ADARB2: variants seen among roughly 807,000 people sequenced by gnomAD.
The protein encoded by ADARB2 is adenosine deaminase RNA specific B2 (inactive).
ADARB2 carries 25 observed loss-of-function variants against 62.2 expected under a neutral mutation model. The observed-to-expected ratio is 0.40, with a 90% CI of 0.29 to 0.56. ADARB2 has a LOEUF of 0.56. Among genes scored for constraint, ADARB2 ranks in the 20% least tolerant of loss-of-function variants. The pLI, the probability that ADARB2 is intolerant of heterozygous loss-of-function variation, is 0.43. For missense variants in ADARB2, 1,071 were observed against 1,077.4 expected (o/e 0.99, Z 0.08); for synonymous variants, 572 against 500.8 (o/e 1.14, Z -1.90).
chr10:1,602,898 CAT>C (rs1833438154), intron 1 of ADARB2, among the ~76,000 whole-genome samples: 1 of 151,964 alleles, frequency 6.6e-6, no homozygotes, highest in Non-Finnish European at 1.5e-5. Context: ...TGTACATACA[CAT>C]ATGAACACAC....
chr10:1,374,466 A>G (rs1476879514), intron 2 of ADARB2, among the ~76,000 whole-genome samples: 1 of 152,218 alleles, frequency 6.6e-6, no homozygotes, highest in Non-Finnish European at 1.5e-5. Context: ...GAGAAAGGCC[A>G]ACGCTTTATA....
intron 4 of ADARB2, among the ~76,000 whole-genome samples, chr10:1,253,566 A>G (rs889274506): frequency 5.9e-5 from 9 of 152,218 alleles, no homozygotes; most frequent in African/African-American, 2.2e-4. Flanking sequence ...ACCTTATTCA[A>G]GGGAAAGAGG....
intron 4 of ADARB2, among the ~76,000 whole-genome samples, chr10:1,263,893 C>G (rs1487138555): frequency 6.6e-6 from 1 of 152,156 alleles, no homozygotes; most frequent in Non-Finnish European, 1.5e-5. Flanking sequence ...TTTTCTTTTC[C>G]TCTCCATTTT....
chr10:1,510,106 TTCTC>T (rs879666484), intron 1 of ADARB2, among the ~76,000 whole-genome samples: 52 of 125,728 alleles, frequency 4.1e-4, no homozygotes, highest in African/African-American at 1.5e-3. Context: ...TTTTCTTTCT[TTCTC>T]TCTTTCTTTC....
rs72762979 is a variant in ADARB2 at position 1,426,698 on chromosome 10, C to T, written c.101-47538G>A. ...GGAGACCAGTGAACCTGCTTGCCAC[C>T]CTGGGCAAGAGAGCCCAGGGGCTGG... On this transcript the variant is annotated intron_variant, in intron 1 of 9. Coordinates refer to ENST00000381312, the MANE Select transcript of ADARB2 (RefSeq NM_018702.4). The surrounding 1 kb of genome is among the most constrained non-coding windows in gnomAD (Gnocchi z 4.1). 1.3e-5 allele frequency among the ~76,000 whole-genome samples: 2 copies of T among 152,120 alleles called. No homozygotes were observed.
At chr10:1,450,478 G>A (rs1182311213) in intron 1 of ADARB2, among the ~76,000 whole-genome samples, 1 of 152,212 alleles carries the variant, frequency 6.6e-6, no homozygotes, top group Non-Finnish European at 1.5e-5. Flanking sequence ...CGGATGCCCG[G>A]ATGGTGCCTC....
intron 3 of ADARB2, among the ~76,000 whole-genome samples, chr10:1,271,526 C>G (rs922386824): frequency 1.3e-5 from 2 of 152,228 alleles, no homozygotes; most frequent in Non-Finnish European, 2.9e-5. Context: ...GTGGCTCTCT[C>G]CACAACTTCT....
At chr10:1,503,449 T>C (rs965627097) in intron 1 of ADARB2, among the ~76,000 whole-genome samples, 1 of 151,994 alleles carries the variant, frequency 6.6e-6, no homozygotes, top group African/African-American at 2.4e-5. Flanking sequence ...CCAAAGACCT[T>C]GATAAGTCAC....
intron 2 of ADARB2, among the ~76,000 whole-genome samples, chr10:1,374,091 G>A (rs1243922555): frequency 6.6e-6 from 1 of 152,180 alleles, no homozygotes; most frequent in Non-Finnish European, 1.5e-5. Context: ...CCCCAGCCAA[G>A]CACCTCATTC....
At chr10:1,731,264 C>G (rs1010252786) in intron 1 of ADARB2, among the ~76,000 whole-genome samples, 2 of 152,188 alleles carry the variant, frequency 1.3e-5, no homozygotes, top group African/African-American at 4.8e-5. Flanking sequence ...GTTGCTTAAA[C>G]AATGTCAGGC....
intron 1 of ADARB2, among the ~76,000 whole-genome samples, chr10:1,573,945 T>G (rs1832974137): frequency 6.6e-6 from 1 of 152,244 alleles, no homozygotes. Context: ...CCATCTGTCA[T>G]GAACTACATC....
intron 1 of ADARB2, among the ~76,000 whole-genome samples, chr10:1,724,247 A>G (rs953289035): frequency 6.6e-6 from 1 of 152,176 alleles, no homozygotes. Context: ...CTGGCTTTTC[A>G]GCTGCACCCA....
At chr10:1,305,567 T>C (rs1199181562) in intron 3 of ADARB2, among the ~76,000 whole-genome samples, 4 of 152,250 alleles carry the variant, frequency 2.6e-5, no homozygotes, top group East Asian at 1.9e-4. Context: ...CCAGCATCAT[T>C]CTGATACCAA....
intron 1 of ADARB2, among the ~76,000 whole-genome samples, chr10:1,473,173 C>A (rs902759403): frequency 6.6e-6 from 1 of 152,034 alleles, no homozygotes; most frequent in African/African-American, 2.4e-5. Flanking sequence ...TCCAAATATA[C>A]TTTCCTTCCC....
At chr10:1,588,891 G>A (rs886108179) in intron 1 of ADARB2, among the ~76,000 whole-genome samples, 7 of 152,204 alleles carry the variant, frequency 4.6e-5, no homozygotes, top group Admixed American at 2.6e-4. Context: ...GCTTGGAGGA[G>A]TCGGCTTGAG....
chr10:1,553,977 G>T (rs1218973263), intron 1 of ADARB2, among the ~76,000 whole-genome samples: 1 of 152,216 alleles, frequency 6.6e-6, no homozygotes, highest in Non-Finnish European at 1.5e-5. Context: ...CAGAAAGTCG[G>T]CTGGTGGAGG....
chr10:1,438,437 G>A (rs1830859504), intron 1 of ADARB2, among the ~76,000 whole-genome samples: 2 of 148,196 alleles, frequency 1.3e-5, no homozygotes, highest in African/African-American at 5.0e-5. Flanking sequence ...CCTTCACTAT[G>A]GGGCTCCTGA....
At chr10:1,416,791 G>A (rs756680849) in intron 1 of ADARB2, among the ~76,000 whole-genome samples, 12 of 152,258 alleles carry the variant, frequency 7.9e-5, no homozygotes, top group Non-Finnish European at 1.3e-4. Context: ...CTGCCAGTAA[G>A]TCACGTGGTG....
chr10:1,651,579 G>A (rs1260253542), intron 1 of ADARB2, among the ~76,000 whole-genome samples: 1 of 152,274 alleles, frequency 6.6e-6, no homozygotes, highest in Non-Finnish European at 1.5e-5. Flanking sequence ...CAGCACACTA[G>A]TCCCTTGCCA....
Sources: allele counts gnomAD v4.1 joint callset (sites outside exome capture counted in the v4.1 genomes callset), GRCh38; gene constraint gnomAD v4.1.1; non-coding constraint Gnocchi (gnomAD v3.1); transcripts MANE v1.5; gene names NCBI Gene and HGNC (gene_info 2026-07-23, HGNC 2026-07-21).